HEPHL1: variants seen among roughly 807,000 people sequenced by gnomAD.
The protein encoded by HEPHL1 is hephaestin like 1.
HEPHL1 carries 123 observed loss-of-function variants against 122.0 expected under a neutral mutation model. The ratio of observed to expected loss-of-function variants is 1.01; its 90% CI spans 0.87 to 1.17. The LOEUF is 1.17. Ranked by LOEUF, HEPHL1 falls within the 50% of genes most tolerant of loss-of-function variation. HEPHL1 has a pLI of 0.00. For synonymous variants in HEPHL1, 527 were observed against 508.9 expected (o/e 1.04, Z -0.48); for missense variants, 1,452 against 1,430.5 (o/e 1.01, Z -0.24).
At chr11:94,049,451 A>G (rs900569883) in intron 2 of HEPHL1, among the ~76,000 whole-genome samples, 2 of 152,016 alleles carry the variant, frequency 1.3e-5, no homozygotes, top group Non-Finnish European at 2.9e-5. Flanking sequence ...TTCTTCAAAA[A>G]ATGAAAACTA....
rs180825871 is a variant in HEPHL1 at position 94,038,099 on chromosome 11, C to T, written c.171-7574C>T. Among the ~76,000 whole-genome samples the T allele has an allele frequency of 6.4e-3, 959 of 148,872 alleles. 8 individuals carry two copies. The highest frequency in any genetic ancestry group is 0.023 in the African/African-American group (911 of 39,860). ...CAGAAGCCTCAGGAGCCGATGCGAT[C>T]GACTGGAAGAAAGGGTATCAGCAAT... On this transcript the variant is annotated intron_variant, in intron 1 of 19. Transcript: ENST00000315765.
intron 2 of HEPHL1, among the ~76,000 whole-genome samples, chr11:94,059,112 A>G (rs1327470520): frequency 6.6e-6 from 1 of 152,176 alleles, no homozygotes; most frequent in Non-Finnish European, 1.5e-5. Context: ...TTCTATACAT[A>G]TATTAGCATG....
At chr11:94,030,612 A>C (rs2134404405) in intron 1 of HEPHL1, among the ~76,000 whole-genome samples, 1 of 152,294 alleles carries the variant, frequency 6.6e-6, no homozygotes, top group African/African-American at 2.4e-5. Context: ...TTCCAGCTAC[A>C]CCTGGAGAAG....
intron 2 of HEPHL1, among the ~76,000 whole-genome samples, chr11:94,052,457 A>G (rs1161151113): frequency 2.0e-5 from 3 of 151,770 alleles, no homozygotes; most frequent in East Asian, 1.9e-4. Flanking sequence ...CTGATTTTGT[A>G]TGTTGATTTT....
chr11:94,101,530 C>T (rs1250178902), intron 14 of HEPHL1, among the ~76,000 whole-genome samples, 195 bp downstream of exon 14: 2 of 152,148 alleles, frequency 1.3e-5, no homozygotes, highest in African/African-American at 4.8e-5. Context: ...TAGAAACCTC[C>T]ATTAGGGACC....
At position 94,110,967 on chromosome 11, in the gene HEPHL1, T is replaced by G. The variant is rs779003620; in HGVS notation, c.3110T>G (p.Leu1037Arg). ...CCTGGGACATTCCAAACCATTGAAC[T>G]GTTTGCAGATCACCCAGGGACATGG... Reference protein sequence around the residue: ...LFPGTFQTIELFADHPGTWLL... With the variant: ...LFPGTFQTIERFADHPGTWLL... The change falls in exon 18 of 20, where the codon CTG (leucine) becomes CGG (arginine). Residue 1037 changes from leucine (L) to arginine (R), a missense_variant. By Grantham distance (102) the Leu-to-Arg change is moderately radical. Transcript: ENST00000315765. 6.2e-7 allele frequency: 1 copy of G among 1,612,962 alleles called. No homozygotes were observed. Among genetic ancestry groups the G allele is most frequent in the South Asian group, 1.1e-5 (1 of 90,756 alleles).
At position 94,111,588 on chromosome 11, in the gene HEPHL1, C is replaced by T. The variant is rs751395029; in HGVS notation, c.3260C>T (p.Ala1087Val). ...TTSPGVASHPATVPSNERPGK... is the reference protein window; with the variant it reads ...TTSPGVASHPVTVPSNERPGK... Reference sequence around the variant, plus strand: ...TCTCCTGGAGTGGCATCTCACCCAGCCACGGTGCCATCTAACGGTAATGAT... The same window carrying T: ...TCTCCTGGAGTGGCATCTCACCCAGTCACGGTGCCATCTAACGGTAATGAT... Residue 1087 changes from alanine to valine, a missense_variant, in exon 19 of 20, where the codon GCC becomes GTC. By Grantham distance (64) the Ala-to-Val change is moderately conservative (BLOSUM62 0). Coordinates refer to ENST00000315765, the MANE Select transcript of HEPHL1 (RefSeq NM_001098672.2). 6.2e-6 allele frequency: 10 copies of T among 1,606,076 alleles called. No homozygotes were observed. Among genetic ancestry groups the T allele is most frequent in the Non-Finnish European group, 8.5e-6 (10 of 1,175,922 alleles).
intron 16 of HEPHL1, 91 bp downstream of exon 16, chr11:94,104,841 C>G: frequency 1.0e-6 from 1 of 972,794 alleles, no homozygotes; most frequent in Non-Finnish European, 1.6e-6. Context: ...CTTCTCTGAG[C>G]CTTTCCTCCT....
intron 9 of HEPHL1, among the ~76,000 whole-genome samples, chr11:94,082,060 G>A (rs1946174635): frequency 6.6e-6 from 1 of 152,194 alleles, no homozygotes; most frequent in Non-Finnish European, 1.5e-5. Flanking sequence ...AAGCTAGGAG[G>A]TGAGTACAGG....
At chr11:94,101,389 CT>C in intron 14 of HEPHL1, 54 bp downstream of exon 14, 1 of 1,563,756 alleles carries the variant, frequency 6.4e-7, no homozygotes, top group Non-Finnish European at 8.7e-7. Flanking sequence ...GGCGTCAACT[CT>C]TTTCTGGTCT....
chr11:94,102,449 C>G (rs1946375114), intron 14 of HEPHL1, among the ~76,000 whole-genome samples: 1 of 152,206 alleles, frequency 6.6e-6, no homozygotes, highest in African/African-American at 2.4e-5. Context: ...TTAAAAAACA[C>G]TGGCACCAGA....
chr11:94,089,014 G>C (rs1946242492), intron 12 of HEPHL1, 46 bp downstream of exon 12: 2 of 1,533,404 alleles, frequency 1.3e-6, no homozygotes, highest in Non-Finnish European at 1.8e-6. Flanking sequence ...GATCGCGCAT[G>C]CTCCGTAGGT....
Position 94,110,892 on chromosome 11 carries a change from C to G in HEPHL1, c.3046-11C>G, listed in dbSNP as rs1186460682. 1.2e-6 allele frequency: 2 copies of G among 1,603,474 alleles called. No homozygotes were observed. Among genetic ancestry groups the G allele is most frequent in the Admixed American group, 1.7e-5 (1 of 58,926 alleles). On this transcript the variant is annotated splice_polypyrimidine_tract_variant and intron_variant, in intron 17 of 19. Transcript: ENST00000315765. ...GGCTACTAGCTGTTGTTTTTTAAAA[C>G]GTTTTTGCAGATAGATAAATCTTAC...
chr11:94,025,076 G>A (rs1462554303), intron 1 of HEPHL1, among the ~76,000 whole-genome samples: 1 of 152,152 alleles, frequency 6.6e-6, no homozygotes, highest in Non-Finnish European at 1.5e-5. Flanking sequence ...GCACAAGGAC[G>A]AGATCGAAAA....
At chr11:94,049,618 T>TTAAAA (rs10651739) in intron 2 of HEPHL1, among the ~76,000 whole-genome samples, 1 of 138,330 alleles carries the variant, frequency 7.2e-6, no homozygotes. Context: ...TAGGATGTAG[T>TTAAAA]AAAAAAAAAA....
intron 1 of HEPHL1, among the ~76,000 whole-genome samples, chr11:94,034,982 G>T (rs544292153): frequency 6.6e-6 from 1 of 152,214 alleles, no homozygotes; most frequent in Non-Finnish European, 1.5e-5. Flanking sequence ...CCTAGACACA[G>T]ATCTGGTCAA....
rs1031856519 is a variant in HEPHL1 at position 94,037,329 on chromosome 11, C to T, written c.171-8344C>T. Among the ~76,000 whole-genome samples the T allele has an allele frequency of 1.5e-4, 22 of 151,720 alleles. 1 individual carries two copies. The highest frequency in any genetic ancestry group is 4.1e-4 in the African/African-American group (17 of 41,020). On this transcript the variant is annotated intron_variant, in intron 1 of 19. Transcript: ENST00000315765. ...CATTGCCCAGGCTTGCTTAGGTAAA[C>T]AAAGCAGCCAGAAAGCTTGAACTGG...
At chr11:94,069,438 A>C (rs113276253) in intron 5 of HEPHL1, among the ~76,000 whole-genome samples, 5 of 152,094 alleles carry the variant, frequency 3.3e-5, no homozygotes, top group African/African-American at 9.7e-5. Flanking sequence ...ATTGGTTTTA[A>C]AATCAGTAGT....
intron 10 of HEPHL1, among the ~76,000 whole-genome samples, chr11:94,084,365 TAA>T (rs1470909120): frequency 2.7e-5 from 4 of 150,618 alleles, no homozygotes; most frequent in African/African-American, 4.9e-5. Flanking sequence ...AATAAATAAA[TAA>T]ATAAATAAAT....
Sources: allele counts gnomAD v4.1 joint callset (sites outside exome capture counted in the v4.1 genomes callset), GRCh38; gene constraint gnomAD v4.1.1; transcripts MANE v1.5; gene names NCBI Gene and HGNC (gene_info 2026-07-23, HGNC 2026-07-21).